The following TBL1X variants were observed in gnomAD, a reference collection of about 807,000 sequenced individuals.
The protein encoded by TBL1X is transducin beta like 1 X-linked, also known as F-box-like/WD repeat-containing protein TBL1X.
TBL1X carries 10 observed loss-of-function variants against 50.7 expected under a neutral mutation model. The observed-to-expected ratio is 0.20, with a 90% CI of 0.12 to 0.33. The LOEUF (loss-of-function observed/expected upper bound fraction) is 0.33. Ranked by LOEUF, TBL1X falls within the 10% of genes least tolerant of loss-of-function variation. The probability of loss-of-function intolerance (pLI) is 1.00; values close to 1 mark genes in which losing one functional copy is unlikely to be tolerated. For missense variants in TBL1X, 340 were observed against 504.4 expected (o/e 0.67, Z 3.12); for synonymous variants, 190 against 214.7 (o/e 0.88, Z 1.01).
chrX:9,691,785 G>A lies in TBL1X; in HGVS notation c.749+74G>A, dbSNP rs1417574627. On this transcript the variant is annotated intron_variant, in intron 8 of 17. Coordinates refer to ENST00000645353, the MANE Select transcript of TBL1X (RefSeq NM_005647.4). ...TGCAAGCTGCTCGCCCTTCTCTGGAGTTCTGCCTAAAGGAACACACACTCC... is the reference window on the plus strand; with the variant it reads ...TGCAAGCTGCTCGCCCTTCTCTGGAATTCTGCCTAAAGGAACACACACTCC... The A allele has an allele frequency of 4.3e-6, 5 of 1,161,225 alleles. No individual in the cohort carries two copies. In the African/African-American group the frequency reaches 7.2e-5, roughly 17 times the overall value.
intron 2 of TBL1X, among the ~76,000 whole-genome samples, chrX:9,635,974 C>T (rs1290769876): frequency 8.9e-6 from 1 of 112,209 alleles, no homozygotes; most frequent in Non-Finnish European, 1.9e-5. Context: ...TAGTATTCAG[C>T]CATAAAAGGA....
intron 16 of TBL1X, among the ~76,000 whole-genome samples, chrX:9,713,065 T>G (rs6640482): frequency 0.38 from 41,665 of 109,346 alleles, 6,333 homozygotes; most frequent in East Asian, 0.68. Flanking sequence ...GTGGACTCAA[T>G]GGTGATGAGC....
intron 5 of TBL1X, among the ~76,000 whole-genome samples, chrX:9,675,643 C>A (rs1302459274): frequency 9.0e-6 from 1 of 111,643 alleles, no homozygotes; most frequent in East Asian, 2.8e-4. Flanking sequence ...AATCCCAGCA[C>A]TTTGGGAGGC....
chrX:9,568,979 G>A (rs1189667063), intron 2 of TBL1X, among the ~76,000 whole-genome samples: 2 of 104,959 alleles, frequency 1.9e-5, no homozygotes, highest in Non-Finnish European at 3.9e-5. Context: ...TGTGCAGTGT[G>A]CTCTGTGCGG....
chrX:9,569,075 GGTGTGCTGTGTGTGTGTCTCTGCA>G (rs1337323306), intron 2 of TBL1X, among the ~76,000 whole-genome samples: 1 of 101,460 alleles, frequency 9.9e-6, no homozygotes, highest in Non-Finnish European at 2.0e-5. Context: ...GTGTGTGTCT[GGTGTGCTGTGTGTGTGTCTCTGCA>G]GTGTACTGTG....
intron 2 of TBL1X, among the ~76,000 whole-genome samples, chrX:9,540,209 AG>A (rs1382091547): frequency 1.8e-5 from 2 of 112,196 alleles, no homozygotes; most frequent in African/African-American, 6.5e-5. Context: ...TGGGTTCTAG[AG>A]GGTTTAGTGT....
intron 4 of TBL1X, 71 bp downstream of exon 4, chrX:9,653,760 A>C: frequency 1.0e-6 from 1 of 961,545 alleles, no homozygotes. Context: ...CCGCGGGTGT[A>C]CTCGGTCACC....
intron 2 of TBL1X, among the ~76,000 whole-genome samples, chrX:9,555,116 C>T (rs996108222): frequency 9.0e-6 from 1 of 111,410 alleles, no homozygotes; most frequent in African/African-American, 3.3e-5. Flanking sequence ...TGCTCTGTTG[C>T]CCGGGCTGGA....
chrX:9,526,471 C>T (rs2082133188), intron 2 of TBL1X, among the ~76,000 whole-genome samples: 2 of 111,575 alleles, frequency 1.8e-5, no homozygotes, highest in African/African-American at 3.3e-5. Flanking sequence ...CTTTTCCTTT[C>T]GGAGAAGTGG....
intron 15 of TBL1X, among the ~76,000 whole-genome samples, chrX:9,710,016 A>G (rs1365090592): frequency 1.8e-5 from 2 of 111,401 alleles, no homozygotes; most frequent in Non-Finnish European, 3.8e-5. Flanking sequence ...CTTGAGCCCA[A>G]GAGTTCAACA....
chrX:9,549,572 C>T (rs1242497526), intron 2 of TBL1X, among the ~76,000 whole-genome samples: 10 of 111,236 alleles, frequency 9.0e-5, no homozygotes, highest in Non-Finnish European at 1.5e-4. Context: ...AAGAGTCCGC[C>T]GACCCCCTCT....
intron 12 of TBL1X, among the ~76,000 whole-genome samples, chrX:9,703,636 A>G (rs2083188995): frequency 8.9e-6 from 1 of 111,871 alleles, no homozygotes; most frequent in African/African-American, 3.2e-5. Flanking sequence ...CCAGAAGCAG[A>G]AGAGGATGAG....
intron 1 of TBL1X, among the ~76,000 whole-genome samples, chrX:9,493,725 T>TG (rs1325371921): frequency 9.0e-6 from 1 of 111,082 alleles, no homozygotes; most frequent in East Asian, 2.8e-4. Flanking sequence ...CCTGAGATCA[T>TG]GCCACTGCAC....
intron 5 of TBL1X, among the ~76,000 whole-genome samples, chrX:9,658,658 A>C (rs2082878851): frequency 8.9e-6 from 1 of 112,102 alleles, no homozygotes; most frequent in African/African-American, 3.2e-5. Flanking sequence ...GGCATAAATT[A>C]AATAATTCAC....
chrX:9,682,437 C>T (rs1189413807), intron 5 of TBL1X, among the ~76,000 whole-genome samples: 2 of 112,223 alleles, frequency 1.8e-5, no homozygotes, highest in African/African-American at 6.5e-5. Context: ...TACCCTATTA[C>T]TCTGTTAGAT....
At chrX:9,656,245 T>C (rs1322902264) in intron 5 of TBL1X, among the ~76,000 whole-genome samples, 1 of 112,471 alleles carries the variant, frequency 8.9e-6, no homozygotes, top group East Asian at 2.8e-4. Flanking sequence ...CAAACCCTGC[T>C]TCCCTGTCGA....
chrX:9,492,836 A>T (rs2081951182), intron 1 of TBL1X, among the ~76,000 whole-genome samples: 1 of 80,578 alleles, frequency 1.2e-5, no homozygotes, highest in African/African-American at 4.8e-5. Flanking sequence ...TTGGGGCTAG[A>T]GGGTGTGTGT....
chrX:9,591,876 G>A (rs1397598373), intron 2 of TBL1X, among the ~76,000 whole-genome samples: 2 of 112,291 alleles, frequency 1.8e-5, no homozygotes, highest in African/African-American at 6.5e-5. Flanking sequence ...AGGGGGGCAG[G>A]GGATAAGGAC....
upstream of TBL1X, among the ~76,000 whole-genome samples, chrX:9,463,755 G>A (rs1026979239): frequency 8.9e-6 from 1 of 111,868 alleles, no homozygotes; most frequent in Non-Finnish European, 1.9e-5. Context: ...TTAGCTGGGC[G>A]TGGTGGCATG....
Sources: gnomAD v4.1 joint callset for allele counts (sites outside exome capture counted in the v4.1 genomes callset) on GRCh38, gnomAD v4.1.1 for gene constraint, MANE v1.5 for transcripts, NCBI Gene and HGNC (gene_info 2026-07-23, HGNC 2026-07-21) for gene names.